The following PTPRD variants were observed in gnomAD, a reference collection of about 807,000 sequenced individuals.
PTPRD encodes the protein protein tyrosine phosphatase receptor type D, also known as receptor-type tyrosine-protein phosphatase delta.
PTPRD carries 34 observed loss-of-function variants against 214.5 expected under a neutral mutation model. The ratio of observed to expected loss-of-function variants is 0.16; its 90% CI spans 0.12 to 0.21. The LOEUF (loss-of-function observed/expected upper bound fraction) is 0.21, where lower values mean the gene tolerates loss of function less well. Among genes scored for constraint, PTPRD ranks in the 10% least tolerant of loss-of-function variants. The pLI is 1.00. For missense variants in PTPRD, 2,545 were observed against 2,398.7 expected (o/e 1.06, Z -1.27); for synonymous variants, 1,128 against 845.7 (o/e 1.33, Z -5.79).
At chr9:10,474,552 C>A (rs2099050851) in intron 2 of PTPRD, among the ~76,000 whole-genome samples, 1 of 152,054 alleles carries the variant, frequency 6.6e-6, no homozygotes. Context: ...GAGACTTTAA[C>A]ACCCCACTGT....
At chr9:10,320,505 CT>C (rs1459033522) in intron 3 of PTPRD, among the ~76,000 whole-genome samples, 1 of 151,984 alleles carries the variant, frequency 6.6e-6, no homozygotes, top group Non-Finnish European at 1.5e-5. Flanking sequence ...ACGAATGTAT[CT>C]TCTGATATTG....
chr9:9,551,246 C>T (rs1349144681), intron 8 of PTPRD, among the ~76,000 whole-genome samples: 2 of 151,896 alleles, frequency 1.3e-5, no homozygotes, highest in Non-Finnish European at 2.9e-5. Flanking sequence ...TGAGAAGGAT[C>T]AGTAAATGCT....
intron 2 of PTPRD, 49 bp downstream of exon 2, chr9:10,612,349 C>A (rs987392335): frequency 6.6e-6 from 1 of 152,120 alleles, no homozygotes; most frequent in Non-Finnish European, 1.5e-5. Flanking sequence ...AAAGCATCAG[C>A]ATATGCTTCA....
At chr9:9,524,880 C>T (rs764527000) in intron 8 of PTPRD, among the ~76,000 whole-genome samples, 48 of 152,122 alleles carry the variant, frequency 3.2e-4, no homozygotes, top group Non-Finnish European at 6.3e-4. Context: ...TTTGTTGAGA[C>T]GGAGTCTCGC....
At chr9:9,729,616 T>C (rs2098151435) in intron 7 of PTPRD, among the ~76,000 whole-genome samples, 1 of 152,178 alleles carries the variant, frequency 6.6e-6, no homozygotes, top group African/African-American at 2.4e-5. Context: ...CAAATGCTCA[T>C]AATTTTAAAT....
chr9:8,984,019 G>T (rs557115286), intron 11 of PTPRD, among the ~76,000 whole-genome samples: 1 of 152,012 alleles, frequency 6.6e-6, no homozygotes, highest in African/African-American at 2.4e-5. Context: ...CTAAATAGTG[G>T]CAATTTCTAT....
chr9:10,562,623 G>A (rs1229068030), intron 2 of PTPRD, among the ~76,000 whole-genome samples: 5 of 151,968 alleles, frequency 3.3e-5, no homozygotes, highest in South Asian at 2.1e-4. Flanking sequence ...AAGTTAATAC[G>A]TCATTAAATT....
At chr9:9,907,398 A>T (rs1207035360) in intron 5 of PTPRD, among the ~76,000 whole-genome samples, 2 of 151,968 alleles carry the variant, frequency 1.3e-5, no homozygotes, top group Non-Finnish European at 2.9e-5. Context: ...TTAAGAGGAC[A>T]GAAATTCAAG....
chr9:9,322,712 T>C (rs1265635873), intron 9 of PTPRD, among the ~76,000 whole-genome samples: 2 of 152,162 alleles, frequency 1.3e-5, no homozygotes, highest in East Asian at 3.9e-4. Context: ...TGAGGGAATT[T>C]AGCACTTGTG....
intron 3 of PTPRD, among the ~76,000 whole-genome samples, chr9:10,286,591 T>G (rs1214895157): frequency 2.6e-5 from 4 of 152,110 alleles, no homozygotes; most frequent in Non-Finnish European, 2.9e-5. Flanking sequence ...ACTATAAATG[T>G]TTTTTTGTTT....
intron 8 of PTPRD, among the ~76,000 whole-genome samples, chr9:9,470,661 C>T (rs1298112945): frequency 6.6e-6 from 1 of 152,084 alleles, no homozygotes; most frequent in Non-Finnish European, 1.5e-5. Context: ...ACCAAACTTC[C>T]AATTCAAGTG....
chr9:10,584,429 T>G (rs1244460057), intron 2 of PTPRD, among the ~76,000 whole-genome samples: 1 of 152,148 alleles, frequency 6.6e-6, no homozygotes, highest in Non-Finnish European at 1.5e-5. Context: ...GCCTCTAGAT[T>G]TTCCTCAATA....
At chr9:8,983,743 C>A (rs1005528451) in intron 11 of PTPRD, among the ~76,000 whole-genome samples, 3 of 151,848 alleles carry the variant, frequency 2.0e-5, no homozygotes, top group South Asian at 4.2e-4. Context: ...AGCTCAAACT[C>A]CTGGCCTTAA....
chr9:10,577,554 C>A (rs1429013214), intron 2 of PTPRD, among the ~76,000 whole-genome samples: 5 of 152,152 alleles, frequency 3.3e-5, no homozygotes, highest in Admixed American at 3.3e-4. Flanking sequence ...TCTTTTCACC[C>A]AGTGGGCCTC....
chr9:10,252,152 A>G (rs573558466), intron 3 of PTPRD, among the ~76,000 whole-genome samples: 7 of 150,200 alleles, frequency 4.7e-5, no homozygotes, highest in Non-Finnish European at 1.0e-4. Flanking sequence ...TTAAACTAAA[A>G]AAGAGAGAGA....
intron 3 of PTPRD, among the ~76,000 whole-genome samples, chr9:10,216,676 C>A (rs1431926391): frequency 6.6e-6 from 1 of 151,964 alleles, no homozygotes; most frequent in Admixed American, 6.6e-5. Context: ...ACCTAACTTA[C>A]CTCTGTTCAC....
chr9:10,564,079 T>A (rs1027925337), intron 2 of PTPRD, among the ~76,000 whole-genome samples: 7 of 150,682 alleles, frequency 4.6e-5, no homozygotes, highest in African/African-American at 1.7e-4. Flanking sequence ...GATCATGGCT[T>A]ACTGCAGCCT....
At chr9:10,243,307 C>T (rs183505731) in intron 3 of PTPRD, among the ~76,000 whole-genome samples, 1 of 151,184 alleles carries the variant, frequency 6.6e-6, no homozygotes, top group East Asian at 2.0e-4. Context: ...GTGGCTATTG[C>T]TTTTGAGACC....
intron 11 of PTPRD, among the ~76,000 whole-genome samples, chr9:8,751,748 A>G (rs764231025): frequency 6.6e-6 from 1 of 152,202 alleles, no homozygotes; most frequent in African/African-American, 2.4e-5. Flanking sequence ...GAAGTCATTT[A>G]ACTCCTCAGT....
Sources: allele counts gnomAD v4.1 joint callset (sites outside exome capture counted in the v4.1 genomes callset), GRCh38; gene constraint gnomAD v4.1.1; transcripts MANE v1.5; gene names NCBI Gene and HGNC (gene_info 2026-07-23, HGNC 2026-07-21).